Variants in SORBS2 observed in about 807,000 individuals in gnomAD.
The protein encoded by SORBS2 is sorbin and SH3 domain-containing protein 2.
A neutral mutation model predicts 97.7 loss-of-function variants in SORBS2; 46 were observed. The observed-to-expected ratio is 0.47, with a 90% confidence interval of 0.37 to 0.60. The LOEUF (loss-of-function observed/expected upper bound fraction) is 0.60, where lower values mean the gene tolerates loss of function less well. Ranked by LOEUF, SORBS2 falls within the 20% of genes least tolerant of loss-of-function variation. SORBS2 has a pLI of 0.00. For missense variants in SORBS2, 1,316 were observed against 1,282.3 expected (o/e 1.03, Z -0.40); for synonymous variants, 476 against 473.4 (o/e 1.01, Z -0.07).
intron 4 of SORBS2, chr4:185,635,401 T>C: frequency 6.2e-7 from 1 of 1,613,314 alleles, no homozygotes; most frequent in Non-Finnish European, 8.5e-7. Context: ...GTCCAGAGGC[T>C]TTTTAGGAGG....
At chr4:185,812,915 C>T (rs949656409) in intron 1 of SORBS2, 2 of 152,154 alleles carry the variant, frequency 1.3e-5, no homozygotes, top group African/African-American at 2.4e-5. Flanking sequence ...AAAATCCGCA[C>T]CTAATTAAAA....
At chr4:185,828,196 A>G (rs1221129080) in intron 1 of SORBS2, among the ~76,000 whole-genome samples, 1 of 152,180 alleles carries the variant, frequency 6.6e-6, no homozygotes, top group African/African-American at 2.4e-5. Flanking sequence ...ACTTTGATAA[A>G]TCTTCAGCAG....
chr4:185,947,926 A>T (rs1579631301), intron 1 of SORBS2, among the ~76,000 whole-genome samples: 1 of 105,126 alleles, frequency 9.5e-6, no homozygotes, highest in African/African-American at 4.0e-5. Flanking sequence ...GAGATTTTTT[A>T]AAGGAAGTTC....
At chr4:185,811,294 G>GTAGT (rs1282652796) in intron 1 of SORBS2, among the ~76,000 whole-genome samples, 1 of 152,164 alleles carries the variant, frequency 6.6e-6, no homozygotes, top group Non-Finnish European at 1.5e-5. Context: ...TCTTTTTCAT[G>GTAGT]TAGTTCTCTG....
intron 2 of SORBS2, among the ~76,000 whole-genome samples, chr4:185,703,797 T>C (rs1036073488): frequency 6.6e-6 from 1 of 152,236 alleles, no homozygotes; most frequent in Non-Finnish European, 1.5e-5. Flanking sequence ...TTTAATATTA[T>C]GGCTATTTGT....
intron 1 of SORBS2, among the ~76,000 whole-genome samples, chr4:185,786,699 C>T (rs553333354): frequency 3.3e-5 from 5 of 152,306 alleles, no homozygotes; most frequent in South Asian, 4.1e-4. Flanking sequence ...TCGTGGCTCA[C>T]GCCTGTAATC....
chr4:185,733,993 C>T (rs537086301), intron 2 of SORBS2, 106 bp downstream of exon 3: 2 of 152,732 alleles, frequency 1.3e-5, no homozygotes, highest in Admixed American at 1.3e-4. Flanking sequence ...ATTTTCTTAA[C>T]TTACTGGGAA....
rs372170420 is a variant in SORBS2 at position 185,837,535 on chromosome 4, A to G, written c.-337-62169T>C. Among the ~76,000 whole-genome samples the G allele has an allele frequency of 1.4e-3, 217 of 152,356 alleles. 6 individuals carry two copies. In the South Asian group the frequency reaches 0.042, roughly 29 times the overall value. ...GTTAATCAAATGCAACTAGGTTGGA[A>G]GAAGATACATGCTTATTGCTTTGCG... On this transcript the variant is annotated intron_variant, in intron 1 of 20. Coordinates refer to the SORBS2 transcript ENST00000284776.
At chr4:185,837,664 G>T (rs553253252) in intron 1 of SORBS2, among the ~76,000 whole-genome samples, 1 of 152,046 alleles carries the variant, frequency 6.6e-6, no homozygotes, top group Non-Finnish European at 1.5e-5. Context: ...CAGTGAGGTC[G>T]TTTCATACAA....
chr4:185,611,849 C>T (rs1288637576), exon 12 of SORBS2: 1 of 1,614,058 alleles, frequency 6.2e-7, no homozygotes, highest in East Asian at 2.2e-5. Context: ...CAGGGTAGTC[C>T]TCAGCACCTT....
rs79205263 is a variant in SORBS2 at position 185,620,755 on chromosome 4, A to C, written c.2216-604T>G. Among the ~76,000 whole-genome samples the C allele has an allele frequency of 7.1e-3, 1,084 of 152,326 alleles. 12 individuals carry two copies. Among genetic ancestry groups the C allele is most frequent in the African/African-American group, 0.024 (988 of 41,562 alleles). On this transcript the variant is annotated intron_variant, in intron 7 of 14. Coordinates refer to ENST00000418609, the Ensembl canonical transcript of SORBS2. ...TCTCAAGATGCCATGCTGTTTATCTACGACCTTCCTTTGTGCCCAGATGAT... is the reference window on the plus strand; with the variant it reads ...TCTCAAGATGCCATGCTGTTTATCTCCGACCTTCCTTTGTGCCCAGATGAT...
intron 1 of SORBS2, among the ~76,000 whole-genome samples, chr4:185,784,316 GA>G (rs972209386): frequency 7.9e-5 from 12 of 152,122 alleles, no homozygotes; most frequent in East Asian, 3.9e-4. Context: ...TATTTTAGTA[GA>G]GACGGCATTT....
chr4:185,659,539 C>G (rs550840997), upstream of SORBS2, among the ~76,000 whole-genome samples: 110 of 152,078 alleles, frequency 7.2e-4, no homozygotes, highest in African/African-American at 2.4e-3. Context: ...GCCTCAGCCT[C>G]CCGAGTAGCT....
intron 1 of SORBS2, among the ~76,000 whole-genome samples, chr4:185,904,262 C>A (rs536148657): frequency 6.6e-6 from 1 of 152,088 alleles, no homozygotes; most frequent in African/African-American, 2.4e-5. Context: ...CGTCTGTGTG[C>A]GGGAAGGAAC....
chr4:185,904,930 C>A (rs1425614450), intron 1 of SORBS2, among the ~76,000 whole-genome samples: 2 of 152,026 alleles, frequency 1.3e-5, no homozygotes, highest in Non-Finnish European at 2.9e-5. Context: ...CATGGAGAAA[C>A]CTTGTCTCTA....
At chr4:185,938,915 A>T (rs2099270457) in intron 1 of SORBS2, among the ~76,000 whole-genome samples, 1 of 152,226 alleles carries the variant, frequency 6.6e-6, no homozygotes, top group African/African-American at 2.4e-5. Flanking sequence ...AGCAACAAAG[A>T]AAAAGGATGC....
At chr4:185,826,725 T>C (rs549416915) in intron 1 of SORBS2, among the ~76,000 whole-genome samples, 1 of 152,356 alleles carries the variant, frequency 6.6e-6, no homozygotes, top group Admixed American at 6.5e-5. Context: ...TCCTGACTTC[T>C]GTGATGTATA....
intron 1 of SORBS2, among the ~76,000 whole-genome samples, chr4:185,790,912 T>C (rs1180119944): frequency 3.3e-5 from 5 of 152,224 alleles, no homozygotes; most frequent in Non-Finnish European, 7.3e-5. Flanking sequence ...AAAGGAAGGC[T>C]GATTTTGGTA....
chr4:185,659,667 C>A (rs1401952700), upstream of SORBS2, among the ~76,000 whole-genome samples: 1 of 152,192 alleles, frequency 6.6e-6, no homozygotes, highest in Admixed American at 6.5e-5. Flanking sequence ...GTGATCCACC[C>A]GCCTCGGCCT....
Sources: gnomAD v4.1 joint callset for allele counts (sites outside exome capture counted in the v4.1 genomes callset) on GRCh38, gnomAD v4.1.1 for gene constraint, MANE v1.5 for transcripts, NCBI Gene and HGNC (gene_info 2026-07-23, HGNC 2026-07-21) for gene names.